TENM2: variants seen among roughly 807,000 people sequenced by gnomAD.
The protein encoded by TENM2 is teneurin-2.
TENM2 carries 52 observed loss-of-function variants against 245.2 expected under a neutral mutation model. The ratio of observed to expected loss-of-function variants is 0.21; its 90% CI spans 0.17 to 0.27. The LOEUF (loss-of-function observed/expected upper bound fraction) is 0.27. TENM2 is among the 10% of genes least tolerant of loss of function. The pLI, the probability that TENM2 is intolerant of heterozygous loss-of-function variation, is 1.00. For synonymous variants in TENM2, 1,363 were observed against 1,438.9 expected (o/e 0.95, Z 1.19); for missense variants, 3,046 against 3,666.8 (o/e 0.83, Z 4.37).
intron 6 of TENM2, among the ~76,000 whole-genome samples, chr5:168,060,867 C>G (rs1789978180): frequency 6.6e-6 from 1 of 152,136 alleles, no homozygotes; most frequent in Non-Finnish European, 1.5e-5. Context: ...ACCGTTTAGG[C>G]CAGTCTTTAG....
intron 2 of TENM2, among the ~76,000 whole-genome samples, chr5:167,855,691 AGGG>A (rs1771004660): frequency 5.7e-5 from 1 of 17,678 alleles, no homozygotes; most frequent in African/African-American, 2.3e-4. Flanking sequence ...GGAAGGAGGG[AGGG>A]TGGGAGGGAA....
chr5:168,005,691 C>T (rs1235194322), intron 5 of TENM2, among the ~76,000 whole-genome samples: 1 of 152,022 alleles, frequency 6.6e-6, no homozygotes, highest in East Asian at 1.9e-4. Context: ...AGAGAGACCC[C>T]CAACATGAAA....
At chr5:167,116,327 C>T in the TENM2 span, 3 of 152,212 alleles carry the variant, frequency 2.0e-5, no homozygotes, top group Admixed American at 1.3e-4. Flanking sequence ...CAGAGTCCCC[C>T]AGCCAAAGTT....
chr5:168,010,317 G>A (rs1046213278), intron 5 of TENM2, among the ~76,000 whole-genome samples: 2 of 152,228 alleles, frequency 1.3e-5, no homozygotes, highest in African/African-American at 4.8e-5. Flanking sequence ...CAAAGATTGT[G>A]TGAGAGTTGT....
At chr5:167,146,150 G>A in the TENM2 span, among the ~76,000 whole-genome samples, 19 of 152,250 alleles carry the variant, frequency 1.2e-4, no homozygotes, top group African/African-American at 4.6e-4. Flanking sequence ...CTCTCTGCCA[G>A]TCCTTCTGGG....
intron 2 of TENM2, among the ~76,000 whole-genome samples, chr5:167,846,698 A>G (rs933171643): frequency 3.3e-5 from 5 of 152,210 alleles, no homozygotes; most frequent in African/African-American, 1.2e-4. Flanking sequence ...TATGTATATA[A>G]ACATTCCCAA....
At chr5:167,016,253 C>CAA in the TENM2 span, among the ~76,000 whole-genome samples, 2 of 99,810 alleles carry the variant, frequency 2.0e-5, no homozygotes, top group African/African-American at 4.0e-5. Flanking sequence ...GACTCTGTCT[C>CAA]AAAAAAAAAA....
chr5:167,611,816 A>G (rs946407039), intron 2 of TENM2, among the ~76,000 whole-genome samples: 5 of 152,018 alleles, frequency 3.3e-5, no homozygotes, highest in Non-Finnish European at 7.4e-5. Flanking sequence ...GGCCTCTTCT[A>G]TAACGGCACT....
At chr5:167,184,008 C>A in the TENM2 span, among the ~76,000 whole-genome samples, 5 of 152,066 alleles carry the variant, frequency 3.3e-5, no homozygotes, top group African/African-American at 7.2e-5. Context: ...CCTTTGAAAC[C>A]TCTATATTCA....
chr5:167,618,636 A>G (rs929005443), intron 2 of TENM2, among the ~76,000 whole-genome samples: 2 of 152,090 alleles, frequency 1.3e-5, no homozygotes, highest in African/African-American at 4.8e-5. Flanking sequence ...AACTATTGCA[A>G]AGCAGAATAG....
At chr5:167,564,007 AC>A (rs1773751440) in intron 2 of TENM2, among the ~76,000 whole-genome samples, 1 of 152,230 alleles carries the variant, frequency 6.6e-6, no homozygotes, top group African/African-American at 2.4e-5. Context: ...GACTGTACTT[AC>A]TAAGTCTATC....
chr5:167,589,245 T>C lies in TENM2; in HGVS notation c.502+213772T>C, dbSNP rs113259494. Among the ~76,000 whole-genome samples the C allele has an allele frequency of 6.6e-3, 1,004 of 151,292 alleles. 3 individuals are homozygous for C. Among genetic ancestry groups the C allele is most frequent in the Middle Eastern group, 0.014 (4 of 290 alleles). On this transcript the variant is annotated intron_variant, in intron 2 of 28. Transcript: ENST00000518659. ...TGATACTTAGGTTTCCATTAGAGAA[T>C]GATATATTTACCATTGTCACAAAGC... is the stretch of plus-strand genomic sequence containing the variant.
chr5:167,427,404 G>A (rs1214700491), intron 2 of TENM2, among the ~76,000 whole-genome samples: 8 of 150,930 alleles, frequency 5.3e-5, no homozygotes. Flanking sequence ...AGTGAGCCGA[G>A]ATCACACCAC....
chr5:167,656,110 G>A (rs957074574), intron 2 of TENM2, among the ~76,000 whole-genome samples: 5 of 152,136 alleles, frequency 3.3e-5, no homozygotes, highest in African/African-American at 9.7e-5. Flanking sequence ...GCCATAAAGT[G>A]CTGCAACTTT....
chr5:168,169,541 C>T (rs936332670), intron 13 of TENM2, among the ~76,000 whole-genome samples: 8 of 152,318 alleles, frequency 5.3e-5, no homozygotes, highest in Admixed American at 6.5e-5. Flanking sequence ...TGCCTCCTCC[C>T]GCTCCCTCCC....
At chr5:167,806,976 G>A (rs1766224440) in intron 2 of TENM2, among the ~76,000 whole-genome samples, 1 of 151,302 alleles carries the variant, frequency 6.6e-6, no homozygotes, top group African/African-American at 2.4e-5. Flanking sequence ...TTTAACTGGG[G>A]GCTCAGTCAC....
intron 4 of TENM2, among the ~76,000 whole-genome samples, chr5:167,970,161 G>T (rs1226715381): frequency 6.6e-6 from 1 of 152,202 alleles, no homozygotes; most frequent in Non-Finnish European, 1.5e-5. Flanking sequence ...ACAGAAGGGG[G>T]TTTACAGCTG....
chr5:167,379,856 A>T (rs912616093), intron 2 of TENM2, among the ~76,000 whole-genome samples: 1 of 151,854 alleles, frequency 6.6e-6, no homozygotes, highest in South Asian at 2.1e-4. Flanking sequence ...GCCACATTTT[A>T]TGAAGCCAAT....
exon 10 of TENM2, chr5:168,118,326 A>G (rs139135282): frequency 1.5e-5 from 24 of 1,607,562 alleles, no homozygotes; most frequent in East Asian, 4.5e-5. Flanking sequence ...GGAATGGACA[A>G]TATTCTAAAG....
Sources: allele counts gnomAD v4.1 joint callset (sites outside exome capture counted in the v4.1 genomes callset), GRCh38; gene constraint gnomAD v4.1.1; transcripts MANE v1.5; gene names NCBI Gene and HGNC (gene_info 2026-07-23, HGNC 2026-07-21).